Variants in PTPRD observed in about 807,000 individuals in gnomAD.
The protein encoded by PTPRD is receptor-type tyrosine-protein phosphatase delta.
Under a neutral mutation model 214.5 loss-of-function variants are expected in PTPRD, and 34 were observed. The observed-to-expected ratio is 0.16, with a 90% CI of 0.12 to 0.21. The LOEUF is 0.21. Among genes scored for constraint, PTPRD ranks in the 10% least tolerant of loss-of-function variants. PTPRD has a pLI of 1.00. For synonymous variants in PTPRD, 1,128 were observed against 845.7 expected (o/e 1.33, Z -5.79); for missense variants, 2,545 against 2,398.7 (o/e 1.06, Z -1.27).
chr9:9,626,147 A>T (rs2095419129), intron 7 of PTPRD, among the ~76,000 whole-genome samples: 1 of 152,176 alleles, frequency 6.6e-6, no homozygotes, highest in South Asian at 2.1e-4. Flanking sequence ...AAAATGAGAA[A>T]ATATCCAGGA....
intron 7 of PTPRD, among the ~76,000 whole-genome samples, chr9:9,612,761 G>A (rs750485437): frequency 7.2e-5 from 11 of 152,038 alleles, no homozygotes; most frequent in Admixed American, 6.6e-4. Context: ...AGCAGCCTCT[G>A]CTTGGACTAT....
At chr9:9,493,656 C>T (rs868782606) in intron 8 of PTPRD, among the ~76,000 whole-genome samples, 7 of 151,498 alleles carry the variant, frequency 4.6e-5, no homozygotes, top group Non-Finnish European at 7.4e-5. Context: ...GGTGTGGTGG[C>T]GGTAGCCTGT....
chr9:9,645,596 A>G lies in PTPRD; in HGVS notation c.-286-70815T>C, dbSNP rs2096131768. Among the ~76,000 whole-genome samples the G allele has an allele frequency of 2.0e-5, 3 of 151,746 alleles. 1 individual carries two copies. The highest frequency in any genetic ancestry group is 1.3e-4 in the Admixed American group (2 of 15,224). ...TATCCCAGAATTTCTGATGTCTTCA[A>G]TGGCTGCTACAAAACAAAAACATAA... is the stretch of plus-strand genomic sequence containing the variant. On this transcript the variant is annotated intron_variant, in intron 7 of 45. Transcript: ENST00000381196.
At chr9:9,521,999 A>C (rs1000597595) in intron 8 of PTPRD, among the ~76,000 whole-genome samples, 11 of 151,996 alleles carry the variant, frequency 7.2e-5, no homozygotes, top group Non-Finnish European at 1.3e-4. Context: ...GTTTACTAAA[A>C]ATACAAAATT....
intron 12 of PTPRD, among the ~76,000 whole-genome samples, chr9:8,709,514 C>CAAAA (rs758112672): frequency 1.8e-5 from 1 of 56,310 alleles, no homozygotes; most frequent in Non-Finnish European, 3.4e-5. Flanking sequence ...GACTCCATCT[C>CAAAA]AAAAAAAAAA....
chr9:9,168,581 A>T (rs2130859463), intron 10 of PTPRD, among the ~76,000 whole-genome samples: 1 of 152,224 alleles, frequency 6.6e-6, no homozygotes, highest in East Asian at 1.9e-4. Context: ...GAAATCAAAC[A>T]AGTAAGCAGC....
At chr9:9,893,398 GAC>G (rs1349862802) in intron 5 of PTPRD, among the ~76,000 whole-genome samples, 1 of 151,920 alleles carries the variant, frequency 6.6e-6, no homozygotes, top group Non-Finnish European at 1.5e-5. Flanking sequence ...CACATGCAAT[GAC>G]ACACATAGAC....
chr9:8,421,091 T>C (rs1218857432), intron 35 of PTPRD, among the ~76,000 whole-genome samples: 1 of 152,112 alleles, frequency 6.6e-6, no homozygotes. Flanking sequence ...TGCAGCACAG[T>C]AGTAGTTAAG....
rs79790064 is a variant in PTPRD, at chr9:10,480,109, G to C, written c.-600+132289C>G. ...GTTTTATGACCTATTTTGCTGGGCA[G>C]GGAGAAAACAAAAAACAAACAAAAA... On this transcript the variant is annotated intron_variant, in intron 2 of 45. Coordinates refer to ENST00000381196, the MANE Select transcript of PTPRD (RefSeq NM_002839.4). Among the ~76,000 whole-genome samples the C allele has an allele frequency of 0.011, 1,324 of 124,444 alleles. 59 individuals are homozygous for C. The East Asian group carries it at 0.13, about 12-fold the overall frequency. The allele number at this position is 124,444 out of a possible 152,430, so 81.6% of individuals were successfully genotyped here.
chr9:10,106,359 C>A (rs1166454123), intron 3 of PTPRD, among the ~76,000 whole-genome samples: 1 of 151,856 alleles, frequency 6.6e-6, no homozygotes, highest in Non-Finnish European at 1.5e-5. Flanking sequence ...ATAATTTATT[C>A]ATTACAGGCT....
intron 8 of PTPRD, among the ~76,000 whole-genome samples, chr9:9,477,694 A>G (rs907176805): frequency 1.3e-5 from 2 of 152,188 alleles, no homozygotes; most frequent in Non-Finnish European, 2.9e-5. Context: ...ATTTCCCAGT[A>G]CCTAATAATA....
chr9:9,534,784 T>C (rs1272012475), intron 8 of PTPRD, among the ~76,000 whole-genome samples: 3 of 145,544 alleles, frequency 2.1e-5, no homozygotes, highest in East Asian at 2.0e-4. Context: ...TAGTTATCTA[T>C]GTCCTTCTTA....
intron 7 of PTPRD, among the ~76,000 whole-genome samples, chr9:9,627,473 AT>A (rs1365642829): frequency 2.6e-5 from 4 of 152,136 alleles, no homozygotes; most frequent in African/African-American, 9.7e-5. Context: ...ACTTGATGGG[AT>A]TTTTCTCTAA....
At chr9:10,416,973 T>A in intron 2 of PTPRD, among the ~76,000 whole-genome samples, 1 of 151,872 alleles carries the variant, frequency 6.6e-6, no homozygotes. Context: ...AAACAAATCT[T>A]TAGGTTCTAA....
chr9:9,033,669 C>T (rs2099612798), intron 10 of PTPRD, among the ~76,000 whole-genome samples: 1 of 151,856 alleles, frequency 6.6e-6, no homozygotes, highest in African/African-American at 2.4e-5. Context: ...CTCTCTACTG[C>T]TCTCCCCTCC....
intron 12 of PTPRD, among the ~76,000 whole-genome samples, chr9:8,652,444 G>A (rs972147884): frequency 6.6e-6 from 1 of 152,162 alleles, no homozygotes. Context: ...CAGCTGATGG[G>A]CCCAGCCCCC....
intron 2 of PTPRD, among the ~76,000 whole-genome samples, chr9:10,574,348 T>C (rs1423708994): frequency 2.0e-5 from 3 of 152,214 alleles, no homozygotes; most frequent in South Asian, 2.1e-4. Context: ...AGAGGAACCG[T>C]TGAACTTCAA....
At chr9:8,503,093 T>C (rs563515758) in intron 23 of PTPRD, among the ~76,000 whole-genome samples, 67 of 152,002 alleles carry the variant, frequency 4.4e-4, no homozygotes, top group African/African-American at 1.4e-3. Flanking sequence ...TAATCACTAA[T>C]AGATTAAACA....
intron 10 of PTPRD, among the ~76,000 whole-genome samples, chr9:9,029,000 C>T (rs2150765): frequency 0.11 from 17,377 of 151,802 alleles, 2,221 homozygotes; most frequent in African/African-American, 0.32. Flanking sequence ...CATATGGCTA[C>T]AGAGCACTTC....
Sources: gnomAD v4.1 joint callset for allele counts (sites outside exome capture counted in the v4.1 genomes callset) on GRCh38, gnomAD v4.1.1 for gene constraint, MANE v1.5 for transcripts, NCBI Gene and HGNC (gene_info 2026-07-23, HGNC 2026-07-21) for gene names.